UVRAG: variants seen among roughly 807,000 people sequenced by gnomAD.
UVRAG encodes the protein UV radiation resistance associated.
In UVRAG, 19 loss-of-function variants were observed where a neutral mutation model predicts 78.0. The observed-to-expected ratio is 0.24, with a 90% CI of 0.17 to 0.36. UVRAG has a LOEUF of 0.36. UVRAG is among the 10% of genes least tolerant of loss of function. The pLI is 1.00. For synonymous variants in UVRAG, 323 were observed against 324.6 expected, an observed-to-expected ratio of 1.00 and a Z score of 0.05; for missense variants, 740 against 853.8, an observed-to-expected ratio of 0.87 and a Z score of 1.66.
intron 12 of UVRAG, among the ~76,000 whole-genome samples, chr11:76,050,535 T>G (rs1323355307): frequency 1.3e-5 from 2 of 152,166 alleles, no homozygotes; most frequent in Non-Finnish European, 2.9e-5. Flanking sequence ...GTATAAAATA[T>G]TGAGTAGAAA....
intron 2 of UVRAG, among the ~76,000 whole-genome samples, chr11:75,858,594 G>T (rs1282692872): frequency 6.6e-6 from 1 of 152,150 alleles, no homozygotes; most frequent in Non-Finnish European, 1.5e-5. Context: ...TGTTTTGTAT[G>T]AGTGACAGTA....
chr11:75,995,515 AAG>A (rs1554974988), intron 8 of UVRAG, among the ~76,000 whole-genome samples: 281 of 151,628 alleles, frequency 1.9e-3, no homozygotes, highest in African/African-American at 6.5e-3. Flanking sequence ...AAAAAAAAAA[AAG>A]AGTAATTAAG....
chr11:76,002,938 A>G (rs953882514), intron 8 of UVRAG, among the ~76,000 whole-genome samples: 3 of 152,062 alleles, frequency 2.0e-5, no homozygotes, highest in African/African-American at 7.2e-5. Context: ...TTAGTTGGGC[A>G]TTGTGACATG....
At chr11:76,034,542 G>A (rs562135923) in intron 12 of UVRAG, among the ~76,000 whole-genome samples, 2 of 152,210 alleles carry the variant, frequency 1.3e-5, no homozygotes, top group South Asian at 2.1e-4. Flanking sequence ...CTTTTTAAAA[G>A]TCTAGGATAT....
At chr11:76,078,626 G>T (rs761155298) in intron 13 of UVRAG, among the ~76,000 whole-genome samples, 2 of 151,622 alleles carry the variant, frequency 1.3e-5, no homozygotes, top group African/African-American at 2.4e-5. Flanking sequence ...AGGTTAGACC[G>T]GGTGCGGTGG....
intron 12 of UVRAG, among the ~76,000 whole-genome samples, chr11:76,024,944 C>G (rs1297463895): frequency 6.6e-6 from 1 of 152,098 alleles, no homozygotes; most frequent in South Asian, 2.1e-4. Flanking sequence ...TGTAATGGCC[C>G]TAGGAATTTT....
chr11:76,115,991 T>C lies in UVRAG; in HGVS notation c.1373T>C (p.Met458Thr), dbSNP rs1952172492. ...ACCCTTCCCAACCTGAAAAACTTCA[T>C]GGAGCATGGACTAATGGTCAGGTGG... is the stretch of plus-strand genomic sequence containing the variant. ...RQTLPNLKNF[M>T]EHGLMVRCDR... The change falls in exon 14 of 15, where the codon ATG (methionine) becomes ACG (threonine). Residue 458 changes from methionine to threonine, a missense_variant. Met to Thr is a moderately conservative substitution (Grantham distance 81, BLOSUM62 -1). Coordinates refer to ENST00000356136, the MANE Select transcript of UVRAG (RefSeq NM_003369.4). 1.2e-6 allele frequency: 2 copies of C among 1,613,770 alleles called. No individual in the cohort carries two copies. The highest frequency in any genetic ancestry group is 1.7e-6 in the Non-Finnish European group (2 of 1,179,848).
At chr11:75,838,001 G>C (rs1945821903) in intron 1 of UVRAG, among the ~76,000 whole-genome samples, 1 of 152,076 alleles carries the variant, frequency 6.6e-6, no homozygotes, top group Non-Finnish European at 1.5e-5. Context: ...GGGTGATAGA[G>C]TGAGACCTTG....
intron 12 of UVRAG, among the ~76,000 whole-genome samples, chr11:76,057,245 A>G (rs1951001403): frequency 6.6e-6 from 1 of 152,174 alleles, no homozygotes; most frequent in African/African-American, 2.4e-5. Flanking sequence ...GCTATGGGAA[A>G]GAGGGGGAAA....
At chr11:76,117,071 A>G (rs1315315472) in intron 14 of UVRAG, among the ~76,000 whole-genome samples, 1 of 152,226 alleles carries the variant, frequency 6.6e-6, no homozygotes, top group Non-Finnish European at 1.5e-5. Context: ...AAGTAAAGTA[A>G]TAAGAATAAT....
chr11:76,037,503 G>T (rs1351737885), intron 12 of UVRAG, among the ~76,000 whole-genome samples: 1 of 131,606 alleles, frequency 7.6e-6, no homozygotes, highest in Non-Finnish European at 1.5e-5. Context: ...AGGAGTTAGA[G>T]ACCAGCCTGG....
intron 8 of UVRAG, 98 bp from the exon 9 acceptor site, chr11:76,003,907 A>C (rs1202434297): frequency 3.5e-6 from 4 of 1,133,550 alleles, no homozygotes; most frequent in Non-Finnish European, 5.2e-6. Context: ...AACTCTTTTT[A>C]TTTCCCTCTC....
chr11:75,932,716 A>G (rs1199579197), intron 6 of UVRAG, among the ~76,000 whole-genome samples: 1 of 152,208 alleles, frequency 6.6e-6, no homozygotes, highest in Non-Finnish European at 1.5e-5. Context: ...ATATGCCAAC[A>G]TGAACAATCT....
intron 7 of UVRAG, among the ~76,000 whole-genome samples, chr11:75,980,454 A>T (rs1410984541): frequency 6.6e-6 from 1 of 152,150 alleles, no homozygotes; most frequent in Non-Finnish European, 1.5e-5. Context: ...CCATGTGCCA[A>T]TGTCCAGCCT....
chr11:75,852,081 C>T (rs1946165445), intron 2 of UVRAG, 81 bp downstream of exon 2: 1 of 997,406 alleles, frequency 1.0e-6, no homozygotes, highest in South Asian at 1.6e-5. Flanking sequence ...TCAGTGCCTC[C>T]TGCTTTTGTG....
chr11:75,918,738 T>C (rs1305056275), intron 6 of UVRAG, among the ~76,000 whole-genome samples: 1 of 152,228 alleles, frequency 6.6e-6, no homozygotes, highest in Non-Finnish European at 1.5e-5. Context: ...AAACAGATAA[T>C]AAATGCCATT....
rs370797314 is a variant in UVRAG, at chr11:76,082,311, C to A, written c.1305+16523C>A. On this transcript the variant is annotated intron_variant, in intron 13 of 14. Transcript: ENST00000356136. ...ATCCCAGCACTTTGGGAGGCCGAGGCGGGCAGATCACGAGGTCAGGAGATC... is the reference window on the plus strand; with the variant it reads ...ATCCCAGCACTTTGGGAGGCCGAGGAGGGCAGATCACGAGGTCAGGAGATC... 1.2e-4 allele frequency among the ~76,000 whole-genome samples: 18 copies of A among 152,146 alleles called. No individual in the cohort carries two copies. The East Asian group carries it at 3.3e-3, about 28-fold the overall frequency.
At chr11:75,818,769 G>A (rs1315618310) in intron 1 of UVRAG, among the ~76,000 whole-genome samples, 1 of 152,136 alleles carries the variant, frequency 6.6e-6, no homozygotes, top group Non-Finnish European at 1.5e-5. Flanking sequence ...GAGCCATTGC[G>A]CCCGGCTGGT....
At position 75,995,179 on chromosome 11, in the gene UVRAG, G is replaced by GTT. The variant is rs576218071; in HGVS notation, c.827-8813_827-8812dup. On this transcript the variant is annotated intron_variant, in intron 8 of 14. Transcript: ENST00000356136. Reference sequence around the variant, plus strand: ...ATATATTTTCCAGCATTTTATAAAAGTTTTTTTTTTTTTTAATCTTTGACC... The same window carrying GTT: ...ATATATTTTCCAGCATTTTATAAAAGTTTTTTTTTTTTTTTTAATCTTTGACC... 2.4e-3 allele frequency among the ~76,000 whole-genome samples: 336 copies of GTT among 140,782 alleles called. 4 individuals carry two copies. Among genetic ancestry groups the GTT allele is most frequent in the African/African-American group, 8.3e-3 (323 of 39,024 alleles). 92.4% of individuals were successfully genotyped at this position (140,782 alleles called of 152,430 possible). A position where few individuals can be genotyped will look rare whatever the true frequency, so the allele number is the denominator to read the frequency against.
Sources: gnomAD v4.1 joint callset for allele counts (sites outside exome capture counted in the v4.1 genomes callset) on GRCh38, gnomAD v4.1.1 for gene constraint, MANE v1.5 for transcripts, NCBI Gene and HGNC (gene_info 2026-07-23, HGNC 2026-07-21) for gene names.